Variants in BTBD9 observed in about 807,000 individuals in gnomAD.
The protein encoded by BTBD9 is BTB/POZ domain-containing protein 9.
BTBD9 carries 49 observed loss-of-function variants against 64.3 expected under a neutral mutation model. That is an observed-to-expected ratio of 0.76 (90% CI 0.61 to 0.97). The LOEUF (loss-of-function observed/expected upper bound fraction) is 0.97. Among genes scored for constraint, BTBD9 ranks in the 50% least tolerant of loss-of-function variants. The pLI is 0.00. For missense variants in BTBD9, 598 were observed against 762.1 expected, an observed-to-expected ratio of 0.78 and a Z score of 2.53; for synonymous variants, 260 against 274.7, an observed-to-expected ratio of 0.95 and a Z score of 0.53.
At chr6:38,221,048 G>A (rs894328018) in intron 9 of BTBD9, among the ~76,000 whole-genome samples, 2 of 152,178 alleles carry the variant, frequency 1.3e-5, no homozygotes, top group Non-Finnish European at 2.9e-5. Flanking sequence ...TAACCTTTCA[G>A]CCAATTAGAA....
chr6:38,206,237 G>A (rs186431840), intron 9 of BTBD9, among the ~76,000 whole-genome samples: 47 of 150,580 alleles, frequency 3.1e-4, no homozygotes, highest in Non-Finnish European at 5.6e-4. Context: ...TTTTTTTGGA[G>A]ATGGAGTCTT....
rs1322721638 is a variant in BTBD9, at chr6:38,184,569, A to G, written c.1641+7950T>C. On this transcript the variant is annotated intron_variant, in intron 10 of 10. Coordinates refer to ENST00000481247, the MANE Select transcript of BTBD9 (RefSeq NM_001099272.2). The surrounding 1 kb of genome is among the most constrained non-coding windows in gnomAD (Gnocchi z 4.4). ...ATTTGCTCTCTCTGTGCTCTGCCAC[A>G]GAGCACAGAGAGCGCCCACTGGGGG... Among the ~76,000 whole-genome samples the G allele has an allele frequency of 6.6e-6, 1 of 152,074 alleles. No homozygotes were observed. The highest frequency in any genetic ancestry group is 1.5e-5 in the Non-Finnish European group (1 of 68,010).
intron 6 of BTBD9, among the ~76,000 whole-genome samples, chr6:38,395,702 T>A (rs1013675198): frequency 6.9e-6 from 1 of 145,494 alleles, no homozygotes; most frequent in African/African-American, 2.6e-5. Context: ...AATAAATGTT[T>A]ACTGTTTTTT....
intron 1 of BTBD9, among the ~76,000 whole-genome samples, chr6:38,601,627 A>T (rs9394516): frequency 6.6e-6 from 1 of 152,152 alleles, no homozygotes; most frequent in African/African-American, 2.4e-5. Context: ...TAAAGGCTGC[A>T]GTAAGCTATG....
intron 8 of BTBD9, among the ~76,000 whole-genome samples, chr6:38,287,981 C>T (rs1224221860): frequency 1.3e-5 from 2 of 152,278 alleles, no homozygotes; most frequent in East Asian, 3.9e-4. Context: ...CTATAAGTCT[C>T]TAACCAATAC....
At chr6:38,549,673 A>C (rs1319683978) in intron 6 of BTBD9, among the ~76,000 whole-genome samples, 1 of 152,152 alleles carries the variant, frequency 6.6e-6, no homozygotes, top group Non-Finnish European at 1.5e-5. Flanking sequence ...CTGTGCAGCT[A>C]AGCCTTCAGA....
chr6:38,449,007 C>A, intron 6 of BTBD9, among the ~76,000 whole-genome samples: 1 of 152,022 alleles, frequency 6.6e-6, no homozygotes, highest in Non-Finnish European at 1.5e-5. Context: ...CTACACTTTA[C>A]AAAGGTCATA....
chr6:38,352,069 TC>T (rs1764538090), intron 6 of BTBD9, among the ~76,000 whole-genome samples: 1 of 152,142 alleles, frequency 6.6e-6, no homozygotes, highest in Non-Finnish European at 1.5e-5. Context: ...TCTGCTAGTA[TC>T]AAGATTTAAT....
rs143258502 is a variant in BTBD9 at position 38,611,143 on chromosome 6, T to C, written c.-27-13022A>G. Among the ~76,000 whole-genome samples the C allele has an allele frequency of 2.2e-3, 333 of 152,244 alleles. 6 individuals are homozygous for C. The East Asian group carries it at 0.037, about 17-fold the overall frequency. On this transcript the variant is annotated intron_variant, in intron 1 of 10. Coordinates refer to ENST00000481247, the MANE Select transcript of BTBD9 (RefSeq NM_001099272.2). The stretch of plus-strand genomic sequence containing the variant: ...ATGTGTTTAAATACATATACGTATA[T>C]GTACATGCATGGTATCTAGAAGGTA...
chr6:38,342,608 T>A (rs1043425369), intron 7 of BTBD9, among the ~76,000 whole-genome samples: 4 of 152,110 alleles, frequency 2.6e-5, no homozygotes, highest in Admixed American at 6.6e-5. Flanking sequence ...TAGTTTTACT[T>A]TTTTTCCCCC....
intron 9 of BTBD9, among the ~76,000 whole-genome samples, chr6:38,217,109 C>T (rs1176727780): frequency 6.7e-6 from 1 of 150,200 alleles, no homozygotes; most frequent in Non-Finnish European, 1.5e-5. Flanking sequence ...GAGATCAAGA[C>T]CATCCTGGCC....
chr6:38,491,932 GA>G lies in BTBD9; in HGVS notation c.1154+85667del, dbSNP rs1437933364. Among the ~76,000 whole-genome samples, 5 of 152,130 alleles carry G rather than the reference GA, an allele frequency of 3.3e-5. No individual in the cohort carries two copies. In the East Asian group the frequency reaches 9.7e-4, roughly 29 times the overall value. ...TGCTGTCTTTCATGTAAATAAAAAG[GA>G]AAGAGTAACTTTCCTTTTCCAAAAA... is the stretch of plus-strand genomic sequence containing the variant. On this transcript the variant is annotated intron_variant, in intron 6 of 10. Transcript: ENST00000481247.
At chr6:38,595,761 T>C (rs1038901832) in intron 2 of BTBD9, 13 of 984,970 alleles carry the variant, frequency 1.3e-5, no homozygotes, top group Non-Finnish European at 1.4e-5. Context: ...ATGAATATTC[T>C]GAGCATACCT....
At position 38,256,407 on chromosome 6, in the gene BTBD9, A is replaced by G; in HGVS notation, c.1562+2T>C. 6.2e-7 allele frequency: 1 copy of G among 1,604,926 alleles called. No homozygotes were observed. The highest frequency in any genetic ancestry group is 8.5e-7 in the Non-Finnish European group (1 of 1,171,812). ...ATAAATTCCTGAAAAGACACAACTT[A>G]CTTGCAGGAGACTTTAGTTCTGTCA... On this transcript the variant is annotated splice_donor_variant, in intron 9 of 10. Transcript: ENST00000481247. LOFTEE classifies it high-confidence loss of function.
chr6:38,221,103 C>A (rs948760664), intron 9 of BTBD9, among the ~76,000 whole-genome samples: 10 of 152,156 alleles, frequency 6.6e-5, no homozygotes, highest in African/African-American at 2.4e-4. Flanking sequence ...CATTTTAGTG[C>A]AGGAGACAGA....
rs200541115 is a variant in BTBD9, at chr6:38,274,890, T to C, written c.1454+13382A>G. Among the ~76,000 whole-genome samples the C allele has an allele frequency of 1.5e-3, 229 of 152,318 alleles. 4 individuals are homozygous for C. The East Asian group carries it at 0.032, about 22-fold the overall frequency. On this transcript the variant is annotated intron_variant, in intron 8 of 10. Transcript: ENST00000481247. ...CTTTGGTATCAGGATGATGCTGGCC[T>C]CATAAAATGAGTTAGGGAGGATTCC...
chr6:38,495,686 T>C (rs1771923384), intron 6 of BTBD9, among the ~76,000 whole-genome samples: 3 of 142,812 alleles, frequency 2.1e-5, no homozygotes, highest in Admixed American at 7.8e-5. Flanking sequence ...AGAACTGTGA[T>C]GGAACCAGTG....
At chr6:38,522,279 A>G (rs1226543796) in intron 6 of BTBD9, among the ~76,000 whole-genome samples, 1 of 152,226 alleles carries the variant, frequency 6.6e-6, no homozygotes, top group Non-Finnish European at 1.5e-5. Context: ...GAAAAAACAA[A>G]AAAACAAAAA....
chr6:38,212,984 G>A (rs1762887028), intron 9 of BTBD9, among the ~76,000 whole-genome samples: 1 of 151,508 alleles, frequency 6.6e-6, no homozygotes. Flanking sequence ...AAGGGATTTA[G>A]AATACAAAGA....
Sources: gnomAD v4.1 joint callset for allele counts (sites outside exome capture counted in the v4.1 genomes callset) on GRCh38, gnomAD v4.1.1 for gene constraint, Gnocchi (gnomAD v3.1) non-coding constraint, MANE v1.5 for transcripts, NCBI Gene and HGNC (gene_info 2026-07-23, HGNC 2026-07-21) for gene names.